USP6NL: variants seen among roughly 807,000 people sequenced by gnomAD.
The protein encoded by USP6NL is USP6 N-terminal-like protein.
USP6NL carries 26 observed loss-of-function variants against 61.9 expected under a neutral mutation model. The ratio of observed to expected loss-of-function variants is 0.42; its 90% CI spans 0.31 to 0.58. The LOEUF (loss-of-function observed/expected upper bound fraction) is 0.58. Among genes scored for constraint, USP6NL ranks in the 20% least tolerant of loss-of-function variants. USP6NL has a pLI of 0.16. For synonymous variants in USP6NL, 432 were observed against 390.1 expected, an observed-to-expected ratio of 1.11 and a Z score of -1.27; for missense variants, 1,114 against 1,034.3, an observed-to-expected ratio of 1.08 and a Z score of -1.06.
intron 4 of USP6NL, among the ~76,000 whole-genome samples, chr10:11,523,643 C>A (rs545864054): frequency 9.9e-5 from 15 of 152,166 alleles, no homozygotes; most frequent in African/African-American, 3.6e-4. Context: ...AAAAAAAGTA[C>A]CTCTTGTTTC....
Position 11,585,530 on chromosome 10 carries a change from C to T in USP6NL, c.4+12101G>A, listed in dbSNP as rs779874478. On this transcript the variant is annotated intron_variant, in intron 2 of 14. Transcript: ENST00000609104. The surrounding 1 kb of genome is among the most constrained non-coding windows in gnomAD (Gnocchi z 4.5). ...ACAAAAAATTAGCTGGGCGTGGTGG[C>T]GGGCACCTGTACTCCCAGCTACTCG... Among the ~76,000 whole-genome samples the T allele has an allele frequency of 7.2e-5, 11 of 152,108 alleles. No homozygotes were observed. Among genetic ancestry groups the T allele is most frequent in the East Asian group, 3.9e-4 (2 of 5,178 alleles).
intron 2 of USP6NL, among the ~76,000 whole-genome samples, chr10:11,566,557 C>G (rs569621683): frequency 1.3e-4 from 20 of 152,294 alleles, no homozygotes; most frequent in African/African-American, 4.6e-4. Context: ...TGCTCAAGGT[C>G]ACAAGACTAG....
At position 11,540,237 on chromosome 10, in the gene USP6NL, C is replaced by G. The variant is rs1337119839; in HGVS notation, c.5-12670G>C. On this transcript the variant is annotated intron_variant, in intron 2 of 14. Coordinates refer to ENST00000609104, the MANE Select transcript of USP6NL (RefSeq NM_014688.5). The surrounding 1 kb of genome is among the most constrained non-coding windows in gnomAD (Gnocchi z 5.0). Reference sequence around the variant, plus strand: ...GGAGATGAATGGTATTCTGAAGAATCCAAGAACAATTTATATGAAATATTC... The same window carrying G: ...GGAGATGAATGGTATTCTGAAGAATGCAAGAACAATTTATATGAAATATTC... Among the ~76,000 whole-genome samples, 3 of 152,072 alleles carry G rather than the reference C, an allele frequency of 2.0e-5. No homozygotes were observed. The highest frequency in any genetic ancestry group is 7.2e-5 in the African/African-American group (3 of 41,414).
chr10:11,513,576 A>G lies in USP6NL; in HGVS notation c.196-3901T>C, dbSNP rs1352152579. Among the ~76,000 whole-genome samples, 1 of 152,256 alleles carries G rather than the reference A, an allele frequency of 6.6e-6. No individual in the cohort carries two copies. The highest frequency in any genetic ancestry group is 1.5e-5 in the Non-Finnish European group (1 of 68,046). ...ACCCACAGATTATTAACCTTTTGCT[A>G]GATTTCATTTATACTATTTAGGTTT... On this transcript the variant is annotated intron_variant, in intron 5 of 14. Coordinates refer to ENST00000609104, the MANE Select transcript of USP6NL (RefSeq NM_014688.5). The surrounding 1 kb of genome is among the most constrained non-coding windows in gnomAD (Gnocchi z 4.7).
At position 11,463,996 on chromosome 10, in the gene USP6NL, T is replaced by C. The variant is rs1421149218; in HGVS notation, c.1079-147A>G. The C allele has an allele frequency of 1.2e-6, 1 of 818,302 alleles. No individual in the cohort carries two copies. The highest frequency in any genetic ancestry group is 1.9e-6 in the Non-Finnish European group (1 of 537,282). 50.7% of individuals were successfully genotyped at this position (818,302 alleles called of 1,614,324 possible). On this transcript the variant is annotated intron_variant, in intron 14 of 14. Transcript: ENST00000609104. This position sits in a 1 kb window ranked among gnomAD's most constrained non-coding sequence, Gnocchi z 6.3. ...ACACTGTCATACAACACACTGTTTATACCACTTACACACACTGTTTATACC... is the reference window on the plus strand; with the variant it reads ...ACACTGTCATACAACACACTGTTTACACCACTTACACACACTGTTTATACC...
Position 11,553,890 on chromosome 10 carries a change from C to CAA in USP6NL, c.5-26325_5-26324dup, listed in dbSNP as rs35646401. 7.2e-5 allele frequency among the ~76,000 whole-genome samples: 10 copies of CAA among 138,114 alleles called. No individual in the cohort carries two copies. The highest frequency in any genetic ancestry group is 2.3e-4 in the South Asian group (1 of 4,408). The allele number at this position is 138,114 out of a possible 152,430, so 90.6% of individuals were successfully genotyped here. A position where few individuals can be genotyped will look rare whatever the true frequency, so the allele number is the denominator to read the frequency against. On this transcript the variant is annotated intron_variant, in intron 2 of 14. Coordinates refer to ENST00000609104, the MANE Select transcript of USP6NL (RefSeq NM_014688.5). The surrounding 1 kb of genome is among the most constrained non-coding windows in gnomAD (Gnocchi z 4.8). ...TGGGCAACAGAGTAAGACTCCATCT[C>CAA]AAAAAAAAAAAAAAGCAAGATTAAA...
Position 11,591,528 on chromosome 10 carries a change from C to T in USP6NL, c.4+6103G>A, listed in dbSNP as rs958617728. Among the ~76,000 whole-genome samples, 14 of 151,954 alleles carry T rather than the reference C, an allele frequency of 9.2e-5. No individual in the cohort carries two copies. The highest frequency in any genetic ancestry group is 1.3e-4 in the Admixed American group (2 of 15,274). ...AAGCTTATACTACTATAGTAATTTA[C>T]ATTTATGCAAAAAATTAAATCACCA... On this transcript the variant is annotated intron_variant, in intron 2 of 14. Coordinates refer to ENST00000609104, the MANE Select transcript of USP6NL (RefSeq NM_014688.5). The surrounding 1 kb of genome is among the most constrained non-coding windows in gnomAD (Gnocchi z 4.7).
chr10:11,461,887 G>A lies in USP6NL; in HGVS notation c.*554C>T, dbSNP rs1037641424. On this transcript the variant is annotated 3_prime_UTR_variant, in exon 15 of 15. Transcript: ENST00000609104. ...TTTAGGACCCAGGTTACAAATATAT[G>A]AGAGGGAAAAAGAAAAACTGGACTA... 6.6e-6 allele frequency: 1 copy of A among 152,586 alleles called. No homozygotes were observed. Among genetic ancestry groups the A allele is most frequent in the South Asian group, 2.1e-4 (1 of 4,842 alleles). 9.5% of individuals were successfully genotyped at this position (152,586 alleles called of 1,614,324 possible).
At chr10:11,507,474 T>C (rs1045424278) in intron 6 of USP6NL, among the ~76,000 whole-genome samples, 4 of 152,110 alleles carry the variant, frequency 2.6e-5, no homozygotes, top group African/African-American at 9.7e-5. Flanking sequence ...CCACCCCAAA[T>C]GAACTCACCC....
intron 2 of USP6NL, among the ~76,000 whole-genome samples, chr10:11,536,227 G>A (rs1160195580): frequency 2.0e-5 from 3 of 152,162 alleles, no homozygotes; most frequent in African/African-American, 7.2e-5. Flanking sequence ...GGTCCTGTAG[G>A]AAGAACTGTT....
In USP6NL at chr10:11,523,663, G is replaced by A. The variant is rs986559729; in HGVS notation, c.155+1723C>T. ...AAGTACCTCTTGTTTCTAGGGCCCC[G>A]CTCATGTTGTTTTAAGCAATAAGAA... On this transcript the variant is annotated intron_variant, in intron 4 of 14. Coordinates refer to ENST00000609104, the MANE Select transcript of USP6NL (RefSeq NM_014688.5). 3.9e-5 allele frequency among the ~76,000 whole-genome samples: 6 copies of A among 152,142 alleles called. No homozygotes were observed. The East Asian group carries it at 7.7e-4, about 20-fold the overall frequency.
rs2133504407 is a variant in USP6NL at position 11,555,133 on chromosome 10, A to T, written c.5-27566T>A. Among the ~76,000 whole-genome samples, 6 of 131,136 alleles carry T rather than the reference A, an allele frequency of 4.6e-5. No individual in the cohort carries two copies. In the East Asian group the frequency reaches 7.5e-4, roughly 16 times the overall value. 86.0% of individuals were successfully genotyped at this position (131,136 alleles called of 152,430 possible). ...GGTTTTTTTTTTTAAGAATCCTATG[A>T]GGCCAGGTGCAGTGGCTCACGGCTC... On this transcript the variant is annotated intron_variant, in intron 2 of 14. Coordinates refer to ENST00000609104, the MANE Select transcript of USP6NL (RefSeq NM_014688.5).
chr10:11,531,194 C>A (rs1358982574), intron 2 of USP6NL, among the ~76,000 whole-genome samples: 1 of 152,116 alleles, frequency 6.6e-6, no homozygotes, highest in African/African-American at 2.4e-5. Context: ...AAATACAATA[C>A]CACTTGTTGC....
At chr10:11,572,664 ATAAAG>A (rs1278329425) in intron 2 of USP6NL, among the ~76,000 whole-genome samples, 6 of 152,116 alleles carry the variant, frequency 3.9e-5, no homozygotes, top group East Asian at 1.9e-4. Context: ...AAGAAAAAAT[ATAAAG>A]TAATCTACAT....
In USP6NL at chr10:11,481,501, G is replaced by A. The variant is rs906371797; in HGVS notation, c.1078+269C>T. On this transcript the variant is annotated intron_variant, in intron 14 of 14. Coordinates refer to ENST00000609104, the MANE Select transcript of USP6NL (RefSeq NM_014688.5). This position sits in a 1 kb window ranked among gnomAD's most constrained non-coding sequence, Gnocchi z 4.4. Reference sequence around the variant, plus strand: ...TTAAAGCACCATGGCTACTTCTGTTGAACAACAGTATTTGCCAACCAAACT... The same window carrying A: ...TTAAAGCACCATGGCTACTTCTGTTAAACAACAGTATTTGCCAACCAAACT... Among the ~76,000 whole-genome samples the A allele has an allele frequency of 3.3e-5, 5 of 152,180 alleles. No individual in the cohort carries two copies. The highest frequency in any genetic ancestry group is 5.9e-5 in the Non-Finnish European group (4 of 68,012).
At chr10:11,517,596 T>C (rs934516945) in intron 5 of USP6NL, among the ~76,000 whole-genome samples, 2 of 152,222 alleles carry the variant, frequency 1.3e-5, no homozygotes, top group Non-Finnish European at 2.9e-5. Flanking sequence ...CTCTAGGTTA[T>C]GATACTGAGA....
At chr10:11,497,204 T>G (rs1339843802) in intron 7 of USP6NL, among the ~76,000 whole-genome samples, 1 of 148,634 alleles carries the variant, frequency 6.7e-6, no homozygotes, top group Admixed American at 6.8e-5. Flanking sequence ...GGTCAGGAGA[T>G]GGAGACCATC....
chr10:11,484,636 G>A (rs1833381333), intron 13 of USP6NL, among the ~76,000 whole-genome samples: 1 of 152,104 alleles, frequency 6.6e-6, no homozygotes, highest in Non-Finnish European at 1.5e-5. Context: ...TTGAGATTCA[G>A]ACTGATGAAA....
chr10:11,533,469 G>A (rs1292399565), intron 2 of USP6NL, among the ~76,000 whole-genome samples: 1 of 152,210 alleles, frequency 6.6e-6, no homozygotes, highest in African/African-American at 2.4e-5. Context: ...TGAGTTCAGA[G>A]ATTGCCCTGC....
Sources: gnomAD v4.1 joint callset for allele counts (sites outside exome capture counted in the v4.1 genomes callset) on GRCh38, gnomAD v4.1.1 for gene constraint, Gnocchi (gnomAD v3.1) non-coding constraint, MANE v1.5 for transcripts, NCBI Gene and HGNC (gene_info 2026-07-23, HGNC 2026-07-21) for gene names.